PDZD2: variants seen among roughly 807,000 people sequenced by gnomAD.
PDZD2 encodes PDZ domain containing 2, also known as PDZ domain-containing protein 2.
A neutral mutation model predicts 220.7 loss-of-function variants in PDZD2; 90 were observed. That is an observed-to-expected ratio of 0.41 (90% confidence interval 0.34 to 0.49). PDZD2 has a LOEUF of 0.49. PDZD2 is among the 20% of genes least tolerant of loss of function. The pLI is 0.28. For synonymous variants in PDZD2, 1,375 were observed against 1,450.5 expected (o/e 0.95, Z 1.18); for missense variants, 3,174 against 3,608.5 (o/e 0.88, Z 3.08).
At chr5:31,923,276 G>T in intron 2 of PDZD2, 2 of 552,344 alleles carry the variant, frequency 3.6e-6, no homozygotes, top group Non-Finnish European at 6.5e-6. Flanking sequence ...TAAATAAATA[G>T]ATAAGTAAAA....
At chr5:31,902,487 CTT>C (rs35993323) in intron 2 of PDZD2, among the ~76,000 whole-genome samples, 22 of 136,746 alleles carry the variant, frequency 1.6e-4, no homozygotes, top group African/African-American at 5.3e-4. Context: ...ACTTTTTTTT[CTT>C]TTTTTTTTTT....
chr5:31,972,363 C>G (rs1170157255), intron 2 of PDZD2, among the ~76,000 whole-genome samples: 1 of 152,204 alleles, frequency 6.6e-6, no homozygotes, highest in Non-Finnish European at 1.5e-5. Flanking sequence ...ATCCACCCGC[C>G]TCAGTCTCCC....
At chr5:31,825,237 C>A (rs13185963) in intron 2 of PDZD2, among the ~76,000 whole-genome samples, 28,830 of 152,160 alleles carry the variant, frequency 0.19, 2,913 homozygotes, top group African/African-American at 0.24. Context: ...CATCTGGATT[C>A]ATGTCCAGAA....
intron 2 of PDZD2, among the ~76,000 whole-genome samples, chr5:31,949,036 T>C (rs1354117240): frequency 6.9e-6 from 1 of 144,018 alleles, no homozygotes; most frequent in African/African-American, 2.6e-5. Context: ...AGGCGGAGGT[T>C]GCACTGAGCT....
At chr5:31,909,728 A>C (rs1309446855) in intron 2 of PDZD2, among the ~76,000 whole-genome samples, 1 of 152,208 alleles carries the variant, frequency 6.6e-6, no homozygotes, top group Non-Finnish European at 1.5e-5. Flanking sequence ...TTAAAATTTA[A>C]ATGACATTAA....
intron 5 of PDZD2, among the ~76,000 whole-genome samples, chr5:32,005,538 CAG>C (rs1274500279): frequency 2.9e-5 from 4 of 140,090 alleles, no homozygotes; most frequent in Non-Finnish European, 6.0e-5. Context: ...AAAAAAAAAA[CAG>C]AGAAGAAGAA....
At chr5:31,818,379 T>A (rs1031229396) in intron 2 of PDZD2, among the ~76,000 whole-genome samples, 2 of 152,126 alleles carry the variant, frequency 1.3e-5, no homozygotes, top group African/African-American at 4.8e-5. Context: ...GTGTCTCTTT[T>A]GAGATCTACA....
chr5:31,994,087 G>A (rs934470029), intron 3 of PDZD2, among the ~76,000 whole-genome samples: 4 of 151,720 alleles, frequency 2.6e-5, no homozygotes, highest in South Asian at 2.1e-4. Flanking sequence ...GTGTGATCTC[G>A]GCTCACTGCA....
intron 1 of PDZD2, among the ~76,000 whole-genome samples, chr5:31,737,157 C>A (rs1749911126): frequency 6.8e-6 from 1 of 147,828 alleles, no homozygotes; most frequent in African/African-American, 2.5e-5. Flanking sequence ...AATGTCAGAG[C>A]AGTCTACTTC....
chr5:32,028,596 T>C (rs191090145), intron 6 of PDZD2, among the ~76,000 whole-genome samples: 130 of 152,136 alleles, frequency 8.5e-4, no homozygotes, highest in Middle Eastern at 3.4e-3. Flanking sequence ...ACTTTTTGTG[T>C]TTAAAAAAAA....
rs547101604 is a variant in PDZD2 at position 31,765,707 on chromosome 5, G to C, written c.-360-33182G>C. Reference sequence around the variant, plus strand: ...TTAGTTCTGTGTTGGTCAGTTTGCTGACAGCATGCTGTGTGTCCTGGGGCC... The same window carrying C: ...TTAGTTCTGTGTTGGTCAGTTTGCTCACAGCATGCTGTGTGTCCTGGGGCC... On this transcript the variant is annotated intron_variant, in intron 1 of 24. Coordinates refer to ENST00000438447, the MANE Select transcript of PDZD2 (RefSeq NM_178140.4). Among the ~76,000 whole-genome samples the C allele has an allele frequency of 2.6e-5, 4 of 152,264 alleles. No homozygotes were observed. In the East Asian group the frequency reaches 7.7e-4, roughly 29 times the overall value.
intron 1 of PDZD2, among the ~76,000 whole-genome samples, chr5:31,780,838 G>A (rs2150209251): frequency 6.6e-6 from 1 of 152,308 alleles, no homozygotes; most frequent in South Asian, 2.1e-4. Context: ...CTGGAGCAGG[G>A]TAGCAGCAGC....
chr5:31,763,870 TAAAA>T (rs67321443), intron 1 of PDZD2, among the ~76,000 whole-genome samples: 7 of 137,524 alleles, frequency 5.1e-5, no homozygotes, highest in Admixed American at 1.4e-4. Context: ...GCCCTCTGAT[TAAAA>T]AAAAAAAAAA....
chr5:31,855,181 C>G, intron 2 of PDZD2: 1 of 905,332 alleles, frequency 1.1e-6, no homozygotes, highest in Non-Finnish European at 1.3e-6. Context: ...AGGAAATCGG[C>G]TTCTCAGGCG....
chr5:31,820,438 AT>A (rs1178994291), intron 2 of PDZD2: 3 of 152,206 alleles, frequency 2.0e-5, no homozygotes, highest in Non-Finnish European at 4.4e-5. Flanking sequence ...GTTCCTCCTT[AT>A]TAAGTGGTCT....
chr5:31,976,586 G>A (rs1476409508), intron 2 of PDZD2, among the ~76,000 whole-genome samples: 1 of 152,140 alleles, frequency 6.6e-6, no homozygotes, highest in African/African-American at 2.4e-5. Context: ...AAGTAAGAGT[G>A]CCTGCTTTGG....
intron 2 of PDZD2, among the ~76,000 whole-genome samples, chr5:31,881,405 C>T (rs58521889): frequency 0.064 from 8,563 of 133,854 alleles, 539 homozygotes; most frequent in African/African-American, 0.17. Context: ...GAGTTTTGCT[C>T]TTATTGCCCA....
At chr5:31,959,234 C>T (rs1463563990) in intron 2 of PDZD2, among the ~76,000 whole-genome samples, 2 of 146,902 alleles carry the variant, frequency 1.4e-5, no homozygotes, top group African/African-American at 5.0e-5. Context: ...CCTGGCAAAG[C>T]ACTTTAATAT....
chr5:31,764,540 CT>C (rs1751868198), intron 1 of PDZD2, among the ~76,000 whole-genome samples: 2 of 152,184 alleles, frequency 1.3e-5, no homozygotes, highest in African/African-American at 4.8e-5. Context: ...TCTTCATCTT[CT>C]TTAGGAGTGT....
Sources: allele counts gnomAD v4.1 joint callset (sites outside exome capture counted in the v4.1 genomes callset), GRCh38; gene constraint gnomAD v4.1.1; transcripts MANE v1.5; gene names NCBI Gene and HGNC (gene_info 2026-07-23, HGNC 2026-07-21).